The following MYLK variants were observed in gnomAD, a reference collection of about 807,000 sequenced individuals.
The protein encoded by MYLK is myosin light chain kinase, also known as myosin light chain kinase, smooth muscle.
In MYLK, 106 loss-of-function variants were observed where a neutral mutation model predicts 203.4. The ratio of observed to expected loss-of-function variants is 0.52; its 90% CI spans 0.45 to 0.61. MYLK has a LOEUF of 0.61. Ranked by LOEUF, MYLK falls within the 20% of genes least tolerant of loss-of-function variation. The probability of loss-of-function intolerance (pLI) is 0.00; values close to 1 mark genes in which losing one functional copy is unlikely to be tolerated. For synonymous variants in MYLK, 867 were observed against 959.5 expected (o/e 0.90, Z 1.78); for missense variants, 2,072 against 2,442.3 (o/e 0.85, Z 3.20).
chr3:123,884,048 C>A (rs1460308499), intron 1 of MYLK, among the ~76,000 whole-genome samples, 158 bp downstream of exon 1: 2 of 152,148 alleles, frequency 1.3e-5, no homozygotes, highest in Non-Finnish European at 2.9e-5. Flanking sequence ...CGTCTCCTTA[C>A]GCCCCTGACT....
In MYLK at chr3:123,677,884, AATATATATATATAT is replaced by A. The variant is rs3085284; in HGVS notation, c.3652+4326_3652+4339del. The stretch of plus-strand genomic sequence containing the variant: ...CTCTATCTAAATGAATAAATAAATG[AATATATATATATAT>A]ATATATATATATATATATATACACA... On this transcript the variant is annotated intron_variant, in intron 20 of 33. Coordinates refer to ENST00000360304, the MANE Select transcript of MYLK (RefSeq NM_053025.4). Among the ~76,000 whole-genome samples, 62 of 53,576 alleles carry A rather than the reference AATATATATATATAT, an allele frequency of 1.2e-3. 3 individuals carry two copies. The East Asian group carries it at 0.029, about 25-fold the overall frequency. The allele number at this position is 53,576 out of a possible 152,430, so 35.1% of individuals were successfully genotyped here. A position where few individuals can be genotyped will look rare whatever the true frequency, so the allele number is the denominator to read the frequency against.
At chr3:123,699,301 A>T (rs781315630) in intron 18 of MYLK, among the ~76,000 whole-genome samples, 1 of 152,120 alleles carries the variant, frequency 6.6e-6, no homozygotes, top group African/African-American at 2.4e-5. Flanking sequence ...CCAGACCCCA[A>T]AAGTCCACAC....
At chr3:123,809,628 C>T (rs1323772668) in intron 3 of MYLK, among the ~76,000 whole-genome samples, 8 of 152,232 alleles carry the variant, frequency 5.3e-5, no homozygotes, top group African/African-American at 1.7e-4. Context: ...CAGAGCCACT[C>T]GCACACTCTG....
chr3:123,748,655 T>C (rs2063094601), intron 5 of MYLK, among the ~76,000 whole-genome samples: 1 of 152,208 alleles, frequency 6.6e-6, no homozygotes, highest in East Asian at 1.9e-4. Context: ...ATATTTTGGA[T>C]ATAATAGGTT....
intron 4 of MYLK, among the ~76,000 whole-genome samples, chr3:123,775,965 A>T (rs2109007111): frequency 6.6e-6 from 1 of 152,300 alleles, no homozygotes; most frequent in Middle Eastern, 3.4e-3. Context: ...TCTGACGACT[A>T]GGATGAACAG....
intron 3 of MYLK, among the ~76,000 whole-genome samples, chr3:123,830,914 T>C (rs1381354377): frequency 2.6e-5 from 4 of 152,228 alleles, no homozygotes; most frequent in Non-Finnish European, 1.5e-5. Flanking sequence ...ATTGTACAGC[T>C]GCCCAAAGAA....
intron 3 of MYLK, among the ~76,000 whole-genome samples, chr3:123,817,694 G>A (rs1489320873): frequency 6.6e-6 from 1 of 152,196 alleles, no homozygotes; most frequent in African/African-American, 2.4e-5. Context: ...GTATAGCTGA[G>A]CCATGAGGCT....
At chr3:123,621,520 C>T (rs1473489837) in intron 31 of MYLK, 1 of 152,212 alleles carries the variant, frequency 6.6e-6, no homozygotes, top group Non-Finnish European at 1.5e-5. Flanking sequence ...TAAAGCCTCA[C>T]AATTTAGGAC....
intron 13 of MYLK, among the ~76,000 whole-genome samples, chr3:123,714,207 A>C (rs112989759): frequency 6.6e-6 from 1 of 152,190 alleles, no homozygotes; most frequent in Non-Finnish European, 1.5e-5. Flanking sequence ...TGAGACTCAG[A>C]GAAAGAAGCT....
At chr3:123,653,987 TGTGTGTGTG>T (rs2059308153) in intron 24 of MYLK, among the ~76,000 whole-genome samples, 1 of 6,440 alleles carries the variant, frequency 1.6e-4, no homozygotes, top group African/African-American at 2.6e-4. Flanking sequence ...AGAGGGATGT[TGTGTGTGTG>T]TGTGTGTGTG....
chr3:123,719,066 A>C (rs556894719), intron 13 of MYLK, among the ~76,000 whole-genome samples: 2 of 152,324 alleles, frequency 1.3e-5, no homozygotes, highest in African/African-American at 2.4e-5. Flanking sequence ...TGAGGAGGGA[A>C]GGCAGAGAAA....
intron 32 of MYLK, among the ~76,000 whole-genome samples, chr3:123,619,340 C>CTA (rs1346813316): frequency 6.6e-6 from 1 of 152,176 alleles, no homozygotes; most frequent in African/African-American, 2.4e-5. Flanking sequence ...TCCCTTCAGG[C>CTA]TATGTCTGGG....
At chr3:123,632,932 A>T (rs1199172936) in intron 29 of MYLK, among the ~76,000 whole-genome samples, 1 of 151,460 alleles carries the variant, frequency 6.6e-6, no homozygotes. Flanking sequence ...AGTAGCTGGA[A>T]CCACAGGTGC....
Position 123,620,348 on chromosome 3 carries a change from A to G in MYLK, c.5239-12T>C, listed in dbSNP as rs775626666. 1 of 1,614,058 alleles carries G rather than the reference A, an allele frequency of 6.2e-7. No individual in the cohort carries two copies. Among genetic ancestry groups the G allele is most frequent in the South Asian group, 1.1e-5 (1 of 91,080 alleles). On this transcript the variant is annotated splice_polypyrimidine_tract_variant and intron_variant, in intron 31 of 33. Coordinates refer to ENST00000360304, the MANE Select transcript of MYLK (RefSeq NM_053025.4). ...GCATTGCCCGTTTTCTGGAAAATAG[A>G]CACGAGGGTTGGACTCAGGCGTTGT...
intron 12 of MYLK, among the ~76,000 whole-genome samples, chr3:123,725,110 C>G (rs984977437): frequency 1.2e-4 from 18 of 152,114 alleles, no homozygotes; most frequent in African/African-American, 4.3e-4. Flanking sequence ...CCTTCTTTTC[C>G]ACCCTATCTT....
chr3:123,761,842 A>G (rs1329894681), intron 4 of MYLK, among the ~76,000 whole-genome samples: 6 of 152,144 alleles, frequency 3.9e-5, no homozygotes, highest in Non-Finnish European at 5.9e-5. Flanking sequence ...CCTGGCCAAC[A>G]TGGTGAAACC....
At chr3:123,845,410 G>A (rs953318252) in intron 2 of MYLK, among the ~76,000 whole-genome samples, 1 of 152,174 alleles carries the variant, frequency 6.6e-6, no homozygotes, top group Non-Finnish European at 1.5e-5. Context: ...GACATGTCAG[G>A]AGTCCATCCA....
intron 24 of MYLK, among the ~76,000 whole-genome samples, chr3:123,650,270 G>A (rs925122900): frequency 6.6e-5 from 10 of 152,316 alleles, no homozygotes; most frequent in South Asian, 2.1e-4. Context: ...GCCACGCTTC[G>A]TCATGTGCTG....
At chr3:123,825,972 A>C (rs1021429817) in intron 3 of MYLK, among the ~76,000 whole-genome samples, 1 of 152,224 alleles carries the variant, frequency 6.6e-6, no homozygotes, top group East Asian at 1.9e-4. Flanking sequence ...GTGGCTATGC[A>C]TCCACACTCA....
Sources: allele counts gnomAD v4.1 joint callset (sites outside exome capture counted in the v4.1 genomes callset), GRCh38; gene constraint gnomAD v4.1.1; transcripts MANE v1.5; gene names NCBI Gene and HGNC (gene_info 2026-07-23, HGNC 2026-07-21).